The following MICU2 variants were observed in gnomAD, a reference collection of about 807,000 sequenced individuals.
MICU2 encodes the protein mitochondrial calcium uptake 2.
Under a neutral mutation model 60.4 loss-of-function variants are expected in MICU2, and 64 were observed. The observed-to-expected ratio is 1.06, with a 90% CI of 0.87 to 1.31. The LOEUF is 1.31. Among genes scored for constraint, MICU2 ranks in the 50% most tolerant of loss-of-function variants. MICU2 has a pLI of 0.00. For missense variants in MICU2, 569 were observed against 531.0 expected (o/e 1.07, Z -0.70); for synonymous variants, 201 against 175.0 (o/e 1.15, Z -1.17).
chr13:21,600,736 A>G (rs1458114657), intron 1 of MICU2, among the ~76,000 whole-genome samples: 1 of 152,206 alleles, frequency 6.6e-6, no homozygotes, highest in Non-Finnish European at 1.5e-5. Flanking sequence ...ATATAAATTT[A>G]TATTTTTATT....
In MICU2 at chr13:21,511,966, C is replaced by T. The variant is rs1048945067; in HGVS notation, c.664-1865G>A. ...AACAAAAGATATCTAGATTGTTTCC[C>T]GTTTGGGCTGGATGCTGCCCAACTG... On this transcript the variant is annotated intron_variant, in intron 7 of 11. Coordinates refer to ENST00000382374, the MANE Select transcript of MICU2 (RefSeq NM_152726.3). Among the ~76,000 whole-genome samples, 33 of 152,106 alleles carry T rather than the reference C, an allele frequency of 2.2e-4. 1 individual carries two copies. Among genetic ancestry groups the T allele is most frequent in the Non-Finnish European group, 2.5e-4 (17 of 68,026 alleles).
intron 4 of MICU2, chr13:21,530,991 C>G: frequency 1.3e-6 from 1 of 790,666 alleles, no homozygotes; most frequent in Non-Finnish European, 2.3e-6. Context: ...AATGATTAAA[C>G]TAGTACCACA....
intron 2 of MICU2, among the ~76,000 whole-genome samples, chr13:21,563,628 C>G (rs140061095): frequency 6.6e-6 from 1 of 151,868 alleles, no homozygotes; most frequent in Non-Finnish European, 1.5e-5. Flanking sequence ...TCTTTTTTTC[C>G]TGGTGTTCCT....
chr13:21,587,542 G>C (rs1888485283), intron 1 of MICU2, among the ~76,000 whole-genome samples: 1 of 152,204 alleles, frequency 6.6e-6, no homozygotes, highest in Non-Finnish European at 1.5e-5. Flanking sequence ...GGAAGATTCT[G>C]GAGATAGCCA....
At chr13:21,559,529 CT>C (rs71202427) in intron 2 of MICU2, among the ~76,000 whole-genome samples, 122 of 143,628 alleles carry the variant, frequency 8.5e-4, no homozygotes, top group African/African-American at 1.1e-3. Context: ...TCTTTCTTTT[CT>C]TTTTTTTTTT....
At chr13:21,555,791 G>A (rs769295272) in intron 2 of MICU2, among the ~76,000 whole-genome samples, 2 of 151,740 alleles carry the variant, frequency 1.3e-5, no homozygotes, top group Admixed American at 1.3e-4. Context: ...AATTCACTGA[G>A]AAAAAAAGAA....
chr13:21,507,679 T>C (rs938546122), intron 8 of MICU2, among the ~76,000 whole-genome samples: 17 of 151,024 alleles, frequency 1.1e-4, no homozygotes, highest in African/African-American at 2.9e-4. Flanking sequence ...TCTTGGCTCA[T>C]TGCAACCTCT....
chr13:21,567,005 G>T, intron 1 of MICU2, 61 bp from the exon 2 acceptor site: 1 of 1,397,298 alleles, frequency 7.2e-7, no homozygotes, highest in Non-Finnish European at 9.6e-7. Flanking sequence ...TCACTTCTAG[G>T]ACAATCTTTA....
intron 4 of MICU2, among the ~76,000 whole-genome samples, chr13:21,525,771 T>C (rs1886838495): frequency 6.6e-6 from 1 of 152,024 alleles, no homozygotes; most frequent in African/African-American, 2.4e-5. Flanking sequence ...TTTTGTATAG[T>C]TCTTTACATA....
chr13:21,572,427 T>C (rs1417531899), intron 1 of MICU2, among the ~76,000 whole-genome samples: 3 of 152,188 alleles, frequency 2.0e-5, no homozygotes, highest in Non-Finnish European at 4.4e-5. Flanking sequence ...TAGTGCCAAG[T>C]GAATCTACAT....
intron 2 of MICU2, among the ~76,000 whole-genome samples, chr13:21,554,626 G>C (rs1006443533): frequency 2.5e-4 from 38 of 152,134 alleles, no homozygotes; most frequent in African/African-American, 8.4e-4. Flanking sequence ...AAAAGAACTA[G>C]AGAAGCAAGG....
At chr13:21,543,143 T>C (rs1285701034) in intron 2 of MICU2, among the ~76,000 whole-genome samples, 1 of 152,216 alleles carries the variant, frequency 6.6e-6, no homozygotes, top group East Asian at 1.9e-4. Flanking sequence ...ACAGCTATTA[T>C]GGAAACCAAG....
At chr13:21,503,724 A>T (rs1302960699) in intron 8 of MICU2, among the ~76,000 whole-genome samples, 1 of 152,252 alleles carries the variant, frequency 6.6e-6, no homozygotes, top group Non-Finnish European at 1.5e-5. Flanking sequence ...CGTTGAAAAG[A>T]TATCAGATGA....
At chr13:21,599,323 A>C (rs1888764462) in intron 1 of MICU2, among the ~76,000 whole-genome samples, 1 of 152,246 alleles carries the variant, frequency 6.6e-6, no homozygotes, top group African/African-American at 2.4e-5. Context: ...AAATGTATCA[A>C]GGCTTAAGAA....
At chr13:21,560,155 T>C (rs1887806574) in intron 2 of MICU2, among the ~76,000 whole-genome samples, 1 of 152,216 alleles carries the variant, frequency 6.6e-6, no homozygotes, top group Admixed American at 6.5e-5. Flanking sequence ...AAGGCAACTT[T>C]TGATCAATAG....
chr13:21,584,224 C>T (rs1888410618), intron 1 of MICU2, among the ~76,000 whole-genome samples: 1 of 151,900 alleles, frequency 6.6e-6, no homozygotes, highest in Non-Finnish European at 1.5e-5. Flanking sequence ...CCCGTCTCTA[C>T]TAAAAATACA....
At chr13:21,523,084 T>C (rs1886759046) in intron 4 of MICU2, among the ~76,000 whole-genome samples, 1 of 152,188 alleles carries the variant, frequency 6.6e-6, no homozygotes, top group South Asian at 2.1e-4. Context: ...CCTCACTTCT[T>C]GAGCTGGAAC....
rs201797323 is a variant in MICU2 at position 21,578,609 on chromosome 13, AT to A, written c.211-11666del. 9.4e-4 allele frequency among the ~76,000 whole-genome samples: 143 copies of A among 152,192 alleles called. 1 individual carries two copies. Among genetic ancestry groups the A allele is most frequent in the East Asian group, 4.6e-3 (24 of 5,174 alleles). On this transcript the variant is annotated intron_variant, in intron 1 of 11. Transcript: ENST00000382374. Reference sequence around the variant, plus strand: ...GAGACCACATCTCAAAAAAAAAAAAATATTTTAGTCTGTGAACCAATATGCA... The same window carrying A: ...GAGACCACATCTCAAAAAAAAAAAAAATTTTAGTCTGTGAACCAATATGCA...
chr13:21,534,399 G>T (rs1593331069), intron 4 of MICU2, among the ~76,000 whole-genome samples: 1 of 152,088 alleles, frequency 6.6e-6, no homozygotes, highest in Non-Finnish European at 1.5e-5. Flanking sequence ...GGAGATGGGG[G>T]TCTCCCTATG....
Sources: gnomAD v4.1 joint callset for allele counts (sites outside exome capture counted in the v4.1 genomes callset) on GRCh38, gnomAD v4.1.1 for gene constraint, MANE v1.5 for transcripts, NCBI Gene and HGNC (gene_info 2026-07-23, HGNC 2026-07-21) for gene names.